Variants in RTN1 observed in about 807,000 individuals in gnomAD.
The protein encoded by RTN1 is reticulon-1.
RTN1 carries 25 observed loss-of-function variants against 65.5 expected under a neutral mutation model. That is an observed-to-expected ratio of 0.38 (90% confidence interval 0.28 to 0.53). The LOEUF is 0.53. Among genes scored for constraint, RTN1 ranks in the 20% least tolerant of loss-of-function variants. RTN1 has a pLI of 0.79. For missense variants in RTN1, 983 were observed against 1,025.4 expected (o/e 0.96, Z 0.57); for synonymous variants, 471 against 447.6 (o/e 1.05, Z -0.66).
chr14:59,799,820 G>C (rs1417860873), intron 1 of RTN1, among the ~76,000 whole-genome samples: 1 of 152,102 alleles, frequency 6.6e-6, no homozygotes, highest in Non-Finnish European at 1.5e-5. Context: ...GGGTTGGCTG[G>C]GGGAGAGGAT....
At chr14:59,801,091 C>T (rs1281142833) in intron 1 of RTN1, among the ~76,000 whole-genome samples, 1 of 152,088 alleles carries the variant, frequency 6.6e-6, no homozygotes, top group African/African-American at 2.4e-5. Context: ...ACACAGCATC[C>T]AAGCTCTCTG....
chr14:59,657,439 G>C (rs999549992), intron 3 of RTN1, among the ~76,000 whole-genome samples: 2 of 151,962 alleles, frequency 1.3e-5, no homozygotes, highest in Admixed American at 6.6e-5. Context: ...AACAAAAAAG[G>C]GTGTATGGCT....
At chr14:59,689,170 T>G (rs1168901323) in intron 3 of RTN1, among the ~76,000 whole-genome samples, 1 of 152,042 alleles carries the variant, frequency 6.6e-6, no homozygotes, top group African/African-American at 2.4e-5. Context: ...AATATAAAAT[T>G]GAAAGCTTCA....
At chr14:59,754,513 C>T (rs576805156) in intron 1 of RTN1, among the ~76,000 whole-genome samples, 4 of 152,094 alleles carry the variant, frequency 2.6e-5, no homozygotes, top group African/African-American at 9.7e-5. Context: ...CACTAACTGG[C>T]AGTTGTGAGA....
At chr14:59,810,484 G>A (rs1886709651) in intron 1 of RTN1, among the ~76,000 whole-genome samples, 1 of 152,170 alleles carries the variant, frequency 6.6e-6, no homozygotes. Flanking sequence ...CAGCATCCAT[G>A]AAACTATGGT....
intron 1 of RTN1, among the ~76,000 whole-genome samples, chr14:59,837,033 C>CCA: frequency 7.6e-6 from 1 of 132,204 alleles, no homozygotes; most frequent in African/African-American, 2.9e-5. Flanking sequence ...GTAAGTATGG[C>CCA]CATATATATA....
intron 3 of RTN1, among the ~76,000 whole-genome samples, chr14:59,676,087 T>C (rs925532429): frequency 1.1e-4 from 17 of 152,320 alleles, no homozygotes; most frequent in African/African-American, 3.4e-4. Flanking sequence ...CATCATTGTA[T>C]CATTAATACC....
At chr14:59,729,176 A>C (rs907173648) in intron 2 of RTN1, among the ~76,000 whole-genome samples, 4 of 152,202 alleles carry the variant, frequency 2.6e-5, no homozygotes, top group Admixed American at 2.6e-4. Flanking sequence ...AGATAATGCA[A>C]AGGCTCAGAG....
At chr14:59,840,162 T>C (rs796932217) in intron 1 of RTN1, among the ~76,000 whole-genome samples, 38 of 152,312 alleles carry the variant, frequency 2.5e-4, no homozygotes, top group African/African-American at 8.2e-4. Context: ...ACTCATTTTT[T>C]AGTGTTTAGT....
At chr14:59,637,181 T>C (rs191279764) in intron 3 of RTN1, among the ~76,000 whole-genome samples, 20 of 152,338 alleles carry the variant, frequency 1.3e-4, no homozygotes, top group Non-Finnish European at 2.9e-5. Flanking sequence ...TCTAAATCTT[T>C]TGTTGTCATT....
intron 3 of RTN1, among the ~76,000 whole-genome samples, chr14:59,668,624 G>A (rs1250540385): frequency 6.6e-6 from 1 of 152,146 alleles, no homozygotes; most frequent in African/African-American, 2.4e-5. Flanking sequence ...AAACTAAAGA[G>A]CTTCTGCACG....
chr14:59,780,530 C>G (rs909971403), intron 1 of RTN1, among the ~76,000 whole-genome samples: 31 of 152,044 alleles, frequency 2.0e-4, no homozygotes, highest in African/African-American at 7.5e-4. Flanking sequence ...TTATCAAACT[C>G]AAGAAAAAAT....
intron 1 of RTN1, among the ~76,000 whole-genome samples, chr14:59,863,494 C>G (rs762712343): frequency 1.3e-5 from 2 of 152,160 alleles, no homozygotes; most frequent in African/African-American, 4.8e-5. Flanking sequence ...TTTATCTTTT[C>G]TTCTGGAGTC....
At chr14:59,814,140 T>G (rs1326165555) in intron 1 of RTN1, among the ~76,000 whole-genome samples, 1 of 152,156 alleles carries the variant, frequency 6.6e-6, no homozygotes, top group East Asian at 1.9e-4. Flanking sequence ...TGCTGTACCC[T>G]CAGATATCAT....
At chr14:59,645,735 TC>T (rs1882881121) in intron 3 of RTN1, among the ~76,000 whole-genome samples, 1 of 152,200 alleles carries the variant, frequency 6.6e-6, no homozygotes, top group Non-Finnish European at 1.5e-5. Flanking sequence ...TCCACGCAGG[TC>T]CTGGTCCTCA....
intron 1 of RTN1, among the ~76,000 whole-genome samples, chr14:59,762,159 C>T (rs969354108): frequency 1.3e-5 from 2 of 152,088 alleles, no homozygotes; most frequent in Non-Finnish European, 1.5e-5. Flanking sequence ...TTCATGGTTA[C>T]AGCATTCCAT....
intron 3 of RTN1, among the ~76,000 whole-genome samples, chr14:59,652,817 A>T (rs2140200520): frequency 6.6e-6 from 1 of 152,228 alleles, no homozygotes; most frequent in East Asian, 1.9e-4. Context: ...AATAAAAGTT[A>T]AAAAAACACA....
chr14:59,850,486 C>A (rs1390279687), intron 1 of RTN1, among the ~76,000 whole-genome samples: 1 of 152,150 alleles, frequency 6.6e-6, no homozygotes, highest in Non-Finnish European at 1.5e-5. Flanking sequence ...TGCTTTTGCA[C>A]CATTGTAAAG....
chr14:59,868,201 A>G lies in RTN1; in HGVS notation c.241+2189T>C, dbSNP rs1887830823. On this transcript the variant is annotated intron_variant, in intron 1 of 8. Coordinates refer to ENST00000267484, the MANE Select transcript of RTN1 (RefSeq NM_021136.3). The surrounding 1 kb of genome is among the most constrained non-coding windows in gnomAD (Gnocchi z 4.0). ...GCGTTTGAGTCTCTTATAGCAGCAC[A>G]TCCGGTCTACTTAATAAGAAACACA... 6.6e-6 allele frequency among the ~76,000 whole-genome samples: 1 copy of G among 152,218 alleles called. No homozygotes were observed. The highest frequency in any genetic ancestry group is 6.5e-5 in the Admixed American group (1 of 15,278).
Sources: gnomAD v4.1 joint callset for allele counts (sites outside exome capture counted in the v4.1 genomes callset) on GRCh38, gnomAD v4.1.1 for gene constraint, Gnocchi (gnomAD v3.1) non-coding constraint, MANE v1.5 for transcripts, NCBI Gene and HGNC (gene_info 2026-07-23, HGNC 2026-07-21) for gene names.